The following ICE1 variants were observed in gnomAD, a reference collection of about 807,000 sequenced individuals.
ICE1 encodes the protein little elongation complex subunit 1.
Under a neutral mutation model 192.7 loss-of-function variants are expected in ICE1, and 64 were observed. That is an observed-to-expected ratio of 0.33 (90% CI 0.27 to 0.41). ICE1 has a LOEUF of 0.41. ICE1 is among the 10% of genes least tolerant of loss of function. The pLI, the probability that ICE1 is intolerant of heterozygous loss-of-function variation, is 1.00. For synonymous variants in ICE1, 1,010 were observed against 984.5 expected (o/e 1.03, Z -0.49); for missense variants, 2,708 against 2,696.0 (o/e 1.00, Z -0.10).
intron 1 of ICE1, among the ~76,000 whole-genome samples, chr5:5,429,264 A>G (rs1445704781): frequency 6.6e-6 from 1 of 152,152 alleles, no homozygotes; most frequent in Non-Finnish European, 1.5e-5. Flanking sequence ...AGACCCCCAC[A>G]AGGAAAGCAG....
intron 17 of ICE1, among the ~76,000 whole-genome samples, chr5:5,480,765 T>G (rs1739481184): frequency 6.6e-6 from 1 of 152,194 alleles, no homozygotes; most frequent in Non-Finnish European, 1.5e-5. Flanking sequence ...GACAAAAACC[T>G]GGTTACAAAG....
intron 16 of ICE1, among the ~76,000 whole-genome samples, chr5:5,475,606 C>T (rs374790144): frequency 1.4e-4 from 22 of 152,174 alleles, no homozygotes; most frequent in East Asian, 9.6e-4. Flanking sequence ...GTGATCCTGC[C>T]GGATAACTTG....
At chr5:5,448,965 A>G (rs1738331997) in intron 10 of ICE1, among the ~76,000 whole-genome samples, 1 of 152,214 alleles carries the variant, frequency 6.6e-6, no homozygotes, top group Non-Finnish European at 1.5e-5. Context: ...AAGACGTGAC[A>G]ACGTTTGCTT....
intron 17 of ICE1, among the ~76,000 whole-genome samples, chr5:5,482,495 T>G (rs1454203582): frequency 6.6e-6 from 1 of 152,194 alleles, no homozygotes; most frequent in Non-Finnish European, 1.5e-5. Flanking sequence ...GCTGATGAAG[T>G]CGTGTGCATG....
intron 15 of ICE1, among the ~76,000 whole-genome samples, chr5:5,471,516 G>C (rs1390616381): frequency 1.3e-5 from 2 of 152,096 alleles, no homozygotes; most frequent in African/African-American, 4.8e-5. Context: ...CCAGTTTTTA[G>C]TGAGTCACTT....
rs1376918850 is a variant in ICE1 at position 5,439,891 on chromosome 5, T to G, written c.179-4T>G. 2 of 1,549,028 alleles carry G rather than the reference T, an allele frequency of 1.3e-6. No individual in the cohort carries two copies. The highest frequency in any genetic ancestry group is 4.0e-5 in the Admixed American group (2 of 50,076). On this transcript the variant is annotated splice_polypyrimidine_tract_variant and splice_region_variant and intron_variant, in intron 3 of 18. Coordinates refer to ENST00000296564, the MANE Select transcript of ICE1 (RefSeq NM_015325.3). ...TTCTCAGAGTTTTCTTTAATAAGTT[T>G]TACAGCTGCAGTTTGCAAGAAGGTG...
chr5:5,447,635 T>C, intron 8 of ICE1, 86 bp from the exon 9 acceptor site: 1 of 1,393,688 alleles, frequency 7.2e-7, no homozygotes, highest in Non-Finnish European at 9.9e-7. Flanking sequence ...CCCAGCTGCC[T>C]GTTAAGTTGC....
At chr5:5,430,163 T>A (rs985169955) in intron 1 of ICE1, among the ~76,000 whole-genome samples, 1 of 152,196 alleles carries the variant, frequency 6.6e-6, no homozygotes, top group Non-Finnish European at 1.5e-5. Flanking sequence ...GCTGGACCTG[T>A]GCAGGAATGA....
Position 5,422,986 on chromosome 5 carries a change from C to T in ICE1, c.71C>T (p.Ala24Val), listed in dbSNP as rs1442642905. 7 of 1,448,604 alleles carry T rather than the reference C, an allele frequency of 4.8e-6. No homozygotes were observed. The South Asian group carries it at 5.4e-5, about 11-fold the overall frequency. The allele number at this position is 1,448,604 out of a possible 1,614,324, so 89.7% of individuals were successfully genotyped here. The change falls in exon 1 of 19, where the codon GCC (alanine) becomes GTC (valine). Residue 24 changes from alanine to valine, a missense_variant. Physicochemically the swap from Ala to Val is moderately conservative, Grantham distance 64 (BLOSUM62 0). Coordinates refer to ENST00000296564, the MANE Select transcript of ICE1 (RefSeq NM_015325.3). ...AADLSRCQGCASLQQNLNEYV... is the reference protein window; with the variant it reads ...AADLSRCQGCVSLQQNLNEYV... ...GACCTGTCGCGATGTCAGGGCTGCG[C>T]CTCTCTGCAGCAGGTGCAGCACCTC...
At chr5:5,425,568 G>A (rs1179357373) in intron 1 of ICE1, among the ~76,000 whole-genome samples, 1 of 152,214 alleles carries the variant, frequency 6.6e-6, no homozygotes, top group African/African-American at 2.4e-5. Flanking sequence ...AAAGTTACGA[G>A]TAGAGTCTCT....
chr5:5,463,755 G>T lies in ICE1; in HGVS notation c.4421G>T (p.Ser1474Ile), dbSNP rs546459561. ...TCTGCTGAGAAGTCCCCAGAGGCCA[G>T]TCACACTGGCCCTGCATTTCAGGAG... is the stretch of plus-strand genomic sequence containing the variant. Reference protein sequence around the residue: ...VTSAEKSPEASHTGPAFQEAP... With the variant: ...VTSAEKSPEAIHTGPAFQEAP... The change falls in exon 13 of 19, where the codon AGT (serine) becomes ATT (isoleucine). Residue 1474 changes from serine to isoleucine, a missense_variant. Physicochemically the swap from Ser to Ile is moderately radical, Grantham distance 142. Around this residue, in one of 2 missense-constraint regions of ICE1, gnomAD observed 2,366 missense variants for 2,276.6 expected, o/e 1.04. Coordinates refer to ENST00000296564, the MANE Select transcript of ICE1 (RefSeq NM_015325.3). The T allele has an allele frequency of 1.2e-6, 2 of 1,613,962 alleles. No individual in the cohort carries two copies. Among genetic ancestry groups the T allele is most frequent in the African/African-American group, 2.7e-5 (2 of 75,044 alleles).
In ICE1 at chr5:5,439,916, G is replaced by A; in HGVS notation, c.197+3G>A. On this transcript the variant is annotated splice_donor_region_variant and intron_variant, in intron 4 of 18. Coordinates refer to ENST00000296564, the MANE Select transcript of ICE1 (RefSeq NM_015325.3). Reference sequence around the variant, plus strand: ...TTACAGCTGCAGTTTGCAAGAAGGTGAGCCAACCTGTTTCATAGTTTATGA... The same window carrying A: ...TTACAGCTGCAGTTTGCAAGAAGGTAAGCCAACCTGTTTCATAGTTTATGA... 1.3e-6 allele frequency: 2 copies of A among 1,554,750 alleles called. No individual in the cohort carries two copies. The highest frequency in any genetic ancestry group is 1.7e-6 in the Non-Finnish European group (2 of 1,148,110).
chr5:5,475,939 T>G lies in ICE1; in HGVS notation c.6414-34T>G, dbSNP rs371786667. ...GATATTAGTATTATTTGAGTGATGATGAGCATACATCTTTTCATGTTGTTT... is the reference window on the plus strand; with the variant it reads ...GATATTAGTATTATTTGAGTGATGAGGAGCATACATCTTTTCATGTTGTTT... On this transcript the variant is annotated intron_variant, in intron 16 of 18. Coordinates refer to ENST00000296564, the MANE Select transcript of ICE1 (RefSeq NM_015325.3). 10 of 1,242,510 alleles carry G rather than the reference T, an allele frequency of 8.0e-6. No homozygotes were observed. The African/African-American group carries it at 1.5e-4, about 18-fold the overall frequency. The allele number at this position is 1,242,510 out of a possible 1,614,324, so 77.0% of individuals were successfully genotyped here.
intron 1 of ICE1, among the ~76,000 whole-genome samples, chr5:5,427,977 G>GAATCT (rs1420345738): frequency 6.6e-6 from 1 of 152,186 alleles, no homozygotes; most frequent in Admixed American, 6.5e-5. Context: ...TCATAAAAGT[G>GAATCT]AATCTAAATT....
chr5:5,435,110 A>G (rs528278490), intron 1 of ICE1, among the ~76,000 whole-genome samples: 1 of 152,332 alleles, frequency 6.6e-6, no homozygotes, highest in Non-Finnish European at 1.5e-5. Context: ...AAGACTGGAA[A>G]AGGACCTAAA....
At chr5:5,433,797 A>G (rs1737792454) in intron 1 of ICE1, among the ~76,000 whole-genome samples, 2 of 152,156 alleles carry the variant, frequency 1.3e-5, no homozygotes, top group Admixed American at 1.3e-4. Flanking sequence ...GTGACCCAAC[A>G]ATTCTGTACC....
rs546205570 is a variant in ICE1 at position 5,488,944 on chromosome 5, C to G, written c.6620-205C>G. Among the ~76,000 whole-genome samples, 10 of 152,286 alleles carry G rather than the reference C, an allele frequency of 6.6e-5. No individual in the cohort carries two copies. In the South Asian group the frequency reaches 1.9e-3, roughly 28 times the overall value. ...GAACACTGCTGGGGCCAGGAAACTA[C>G]AGACAGCTACTGTCTGGCTTTTCTT... On this transcript the variant is annotated intron_variant, in intron 18 of 18. Coordinates refer to ENST00000296564, the MANE Select transcript of ICE1 (RefSeq NM_015325.3).
At chr5:5,436,005 T>G (rs999464222) in intron 1 of ICE1, among the ~76,000 whole-genome samples, 1 of 152,162 alleles carries the variant, frequency 6.6e-6, no homozygotes, top group Non-Finnish European at 1.5e-5. Flanking sequence ...TTAGTCCATT[T>G]TAATATTTCT....
chr5:5,461,530 G>T lies in ICE1; in HGVS notation c.2196G>T (p.Leu732Phe), dbSNP rs373800712. 6.2e-6 allele frequency: 10 copies of T among 1,613,116 alleles called. No individual in the cohort carries two copies. The African/African-American group carries it at 8.0e-5, about 13-fold the overall frequency. Residue 732 changes from leucine to phenylalanine, a missense_variant, in exon 13 of 19, where the codon TTG becomes TTT. Transcript: ENST00000296564. ...GIEYTKVVKG[L>F]TKIHSLPRSV... is the part of the protein sequence containing the mutation. Reference sequence around the variant, plus strand: ...AATATACAAAAGTAGTAAAAGGCTTGACCAAAATACATTCACTTCCTCGGT... The same window carrying T: ...AATATACAAAAGTAGTAAAAGGCTTTACCAAAATACATTCACTTCCTCGGT...
Sources: allele counts gnomAD v4.1 joint callset (sites outside exome capture counted in the v4.1 genomes callset), GRCh38; gene constraint gnomAD v4.1.1; regional missense constraint gnomAD v4.1.1; transcripts MANE v1.5; gene names NCBI Gene and HGNC (gene_info 2026-07-23, HGNC 2026-07-21).